Variants in WDR76 observed in about 807,000 individuals in gnomAD.
WDR76 encodes the protein WD repeat-containing protein 76.
A neutral mutation model predicts 70.2 loss-of-function variants in WDR76; 52 were observed. The observed-to-expected ratio is 0.74, with a 90% confidence interval of 0.59 to 0.93. WDR76 has a LOEUF of 0.93. Ranked by LOEUF, WDR76 falls within the 40% of genes least tolerant of loss-of-function variation. WDR76 has a pLI of 0.00. For missense variants in WDR76, 756 were observed against 760.2 expected (o/e 0.99, Z 0.07); for synonymous variants, 292 against 271.1 (o/e 1.08, Z -0.76).
chr15:43,830,665 GA>G (rs1036269002), intron 2 of WDR76, among the ~76,000 whole-genome samples: 6 of 146,482 alleles, frequency 4.1e-5, no homozygotes, highest in Non-Finnish European at 6.0e-5. Flanking sequence ...TGCTCCTAAA[GA>G]AAAAAAAAAG....
At chr15:43,862,760 G>A (rs1390060666) in intron 12 of WDR76, among the ~76,000 whole-genome samples, 2 of 151,950 alleles carry the variant, frequency 1.3e-5, no homozygotes, top group East Asian at 1.9e-4. Context: ...CACCTGCCTC[G>A]GCCTCCCAAA....
At chr15:43,851,517 T>C (rs563229063) in intron 9 of WDR76, among the ~76,000 whole-genome samples, 3 of 152,350 alleles carry the variant, frequency 2.0e-5, no homozygotes, top group African/African-American at 7.2e-5. Context: ...AATGAGCTTA[T>C]GCAGATAAAG....
chr15:43,848,121 C>T (rs1454448342), intron 8 of WDR76, among the ~76,000 whole-genome samples: 3 of 151,938 alleles, frequency 2.0e-5, no homozygotes, highest in Non-Finnish European at 2.9e-5. Context: ...GCCATTAGTC[C>T]CAGCTACTCA....
At chr15:43,839,756 T>C (rs759571966) in intron 5 of WDR76, 28 bp downstream of exon 5, 1 of 1,564,882 alleles carries the variant, frequency 6.4e-7, no homozygotes, top group East Asian at 2.3e-5. Context: ...TATAATATTT[T>C]AATGTAATAA....
At chr15:43,839,980 C>T (rs1333307166) in intron 5 of WDR76, among the ~76,000 whole-genome samples, 1 of 152,108 alleles carries the variant, frequency 6.6e-6, no homozygotes, top group Admixed American at 6.6e-5. Context: ...GCCTCAGCCT[C>T]CCGAATAGCT....
chr15:43,846,528 C>T (rs2087790502), intron 8 of WDR76, among the ~76,000 whole-genome samples: 1 of 149,086 alleles, frequency 6.7e-6, no homozygotes, highest in Non-Finnish European at 1.5e-5. Flanking sequence ...AAGCACTCCA[C>T]CTGCTTCAGC....
intron 12 of WDR76, among the ~76,000 whole-genome samples, chr15:43,863,633 C>A (rs1322253391): frequency 6.6e-6 from 1 of 151,906 alleles, no homozygotes; most frequent in African/African-American, 2.4e-5. Context: ...GATCATGGCT[C>A]ACTTCAGCCT....
intron 8 of WDR76, among the ~76,000 whole-genome samples, chr15:43,848,308 A>G (rs1402332607): frequency 6.6e-6 from 1 of 152,156 alleles, no homozygotes; most frequent in Non-Finnish European, 1.5e-5. Flanking sequence ...TACTTCAAAA[A>G]CTAGCTACCA....
chr15:43,843,283 A>C (rs2087749182), intron 7 of WDR76, among the ~76,000 whole-genome samples: 1 of 152,024 alleles, frequency 6.6e-6, no homozygotes, highest in Admixed American at 6.6e-5. Context: ...GGACTCCCAA[A>C]GTGCTGGGAT....
chr15:43,858,207 A>C (rs1197288817), intron 10 of WDR76, among the ~76,000 whole-genome samples: 3 of 151,474 alleles, frequency 2.0e-5, no homozygotes, highest in African/African-American at 7.3e-5. Flanking sequence ...CTGGGATTAC[A>C]GGCGTGAGCC....
chr15:43,833,365 G>GT, intron 2 of WDR76, among the ~76,000 whole-genome samples: 1 of 147,402 alleles, frequency 6.8e-6, no homozygotes, highest in South Asian at 2.2e-4. Flanking sequence ...GTTGCCCAGA[G>GT]TGGAGTGCAG....
chr15:43,848,973 A>G (rs933609255), intron 8 of WDR76, among the ~76,000 whole-genome samples: 1 of 145,138 alleles, frequency 6.9e-6, no homozygotes, highest in Non-Finnish European at 1.5e-5. Flanking sequence ...TGCATTTCAG[A>G]TTACCTGCTG....
intron 10 of WDR76, 152 bp from the exon 11 acceptor site, chr15:43,858,519 T>A: frequency 1.1e-6 from 1 of 938,722 alleles, no homozygotes; most frequent in Non-Finnish European, 1.5e-6. Flanking sequence ...GTGCTGGGAT[T>A]ACAGACTTGA....
At chr15:43,853,577 A>T (rs1471687054) in intron 9 of WDR76, among the ~76,000 whole-genome samples, 1 of 152,200 alleles carries the variant, frequency 6.6e-6, no homozygotes, top group Non-Finnish European at 1.5e-5. Context: ...CAATTAAAAA[A>T]TGGGCAAAGG....
chr15:43,842,782 A>G (rs2087741857), intron 7 of WDR76, 111 bp downstream of exon 7: 1 of 999,544 alleles, frequency 1.0e-6, no homozygotes. Flanking sequence ...TTCCACCCTA[A>G]CAACTGTTGT....
At chr15:43,844,105 G>A in intron 8 of WDR76, 51 bp downstream of exon 8, 1 of 1,566,492 alleles carries the variant, frequency 6.4e-7, no homozygotes, top group Non-Finnish European at 8.7e-7. Context: ...AAGCAAATAG[G>A]CTGGAAGAGA....
intron 4 of WDR76, among the ~76,000 whole-genome samples, chr15:43,837,149 TC>T (rs1476251434): frequency 2.6e-5 from 4 of 152,114 alleles, no homozygotes; most frequent in Non-Finnish European, 5.9e-5. Flanking sequence ...TTGAATTATC[TC>T]CATTGCATTT....
At chr15:43,827,900 T>G (rs1335339977) in intron 1 of WDR76, 65 bp from the exon 2 acceptor site, 73 of 1,439,530 alleles carry the variant, frequency 5.1e-5, no homozygotes, top group African/African-American at 7.2e-5. Flanking sequence ...CTGTTAGGGA[T>G]CCTGTAAGAA....
chr15:43,867,325 C>T lies in WDR76; in HGVS notation c.*933C>T, dbSNP rs1396513696. On this transcript the variant is annotated 3_prime_UTR_variant, in exon 13 of 13. Transcript: ENST00000263795. The stretch of plus-strand genomic sequence containing the variant: ...TCCCAAGCACCGGGTTGGGATCTGC[C>T]CTGGTCCCGGCATTCCAGTATAAGA... 6.6e-6 allele frequency: 1 copy of T among 152,006 alleles called. No individual in the cohort carries two copies. Among genetic ancestry groups the T allele is most frequent in the African/African-American group, 2.4e-5 (1 of 41,364 alleles). The allele number at this position is 152,006 out of a possible 1,614,324, so 9.4% of individuals were successfully genotyped here.
Sources: allele counts gnomAD v4.1 joint callset (sites outside exome capture counted in the v4.1 genomes callset), GRCh38; gene constraint gnomAD v4.1.1; transcripts MANE v1.5; gene names NCBI Gene and HGNC (gene_info 2026-07-23, HGNC 2026-07-21).